PKHD1: variants seen among roughly 807,000 people sequenced by gnomAD.
PKHD1 encodes fibrocystin.
A neutral mutation model predicts 412.0 loss-of-function variants in PKHD1; 291 were observed. The observed-to-expected ratio is 0.71, with a 90% CI of 0.64 to 0.78. PKHD1 has a LOEUF of 0.78. Among genes scored for constraint, PKHD1 ranks in the 30% least tolerant of loss-of-function variants. PKHD1 has a pLI of 0.00. For missense variants in PKHD1, 4,825 were observed against 4,950.7 expected (o/e 0.97, Z 0.76); for synonymous variants, 1,777 against 1,821.5 (o/e 0.98, Z 0.62).
rs66966800 is a variant in PKHD1, at chr6:51,903,832, C to CATATATATATATAT, written c.6866-119_6866-106dup. 2.8e-3 allele frequency: 1,221 copies of CATATATATATATAT among 435,186 alleles called. 42 individuals carry two copies. The African/African-American group carries it at 0.028, about 10-fold the overall frequency. 27.0% of individuals were successfully genotyped at this position (435,186 alleles called of 1,614,324 possible). On this transcript the variant is annotated intron_variant, in intron 42 of 66. Coordinates refer to ENST00000371117, the MANE Select transcript of PKHD1 (RefSeq NM_138694.4). ...ACATCAGAGTTCACATAATGCATTT[C>CATATATATATATAT]ATATATATATATATATATATATATA...
At chr6:51,920,742 C>G (rs1308659234) in intron 37 of PKHD1, among the ~76,000 whole-genome samples, 1 of 152,138 alleles carries the variant, frequency 6.6e-6, no homozygotes, top group South Asian at 2.1e-4. Flanking sequence ...GCTGTGAATC[C>G]GTCTGGTCCT....
intron 35 of PKHD1, among the ~76,000 whole-genome samples, chr6:52,005,076 C>G (rs1256957526): frequency 1.3e-5 from 2 of 152,140 alleles, no homozygotes; most frequent in African/African-American, 4.8e-5. Context: ...AAACTGAGAG[C>G]ACAGAGAAAT....
chr6:51,858,508 T>C (rs1773659907), intron 48 of PKHD1, among the ~76,000 whole-genome samples: 1 of 152,172 alleles, frequency 6.6e-6, no homozygotes, highest in Non-Finnish European at 1.5e-5. Context: ...TAAAACACAC[T>C]AGAAATATCT....
At chr6:51,936,574 A>G (rs1787516614) in intron 36 of PKHD1, among the ~76,000 whole-genome samples, 1 of 152,228 alleles carries the variant, frequency 6.6e-6, no homozygotes, top group Non-Finnish European at 1.5e-5. Flanking sequence ...GACTTTAGTC[A>G]TTATCATGTA....
chr6:51,718,196 A>G (rs75335980), intron 60 of PKHD1, among the ~76,000 whole-genome samples: 1,533 of 152,310 alleles, frequency 0.01, 24 homozygotes, highest in African/African-American at 0.035. Context: ...TAGACATTGC[A>G]GGGGAAAAAG....
intron 51 of PKHD1, 113 bp downstream of exon 51, chr6:51,836,291 C>T: frequency 5.2e-6 from 4 of 773,022 alleles, no homozygotes; most frequent in South Asian, 4.2e-5. Context: ...GACATATAAG[C>T]TTTAGGACTG....
chr6:51,700,653 T>C (rs960605370), intron 60 of PKHD1, among the ~76,000 whole-genome samples: 5 of 152,100 alleles, frequency 3.3e-5, no homozygotes, highest in Non-Finnish European at 7.4e-5. Flanking sequence ...GATTAATATC[T>C]AACTTGTGAT....
At chr6:51,855,400 AT>A (rs1361851978) in intron 49 of PKHD1, among the ~76,000 whole-genome samples, 2 of 152,054 alleles carry the variant, frequency 1.3e-5, no homozygotes, top group Non-Finnish European at 2.9e-5. Context: ...CACTGCTCTT[AT>A]TTGTCTCCCT....
intron 60 of PKHD1, among the ~76,000 whole-genome samples, chr6:51,701,959 T>C (rs1779454372): frequency 6.6e-6 from 1 of 151,232 alleles, no homozygotes. Context: ...ATATTAATCA[T>C]ATCTCAAACA....
intron 27 of PKHD1, among the ~76,000 whole-genome samples, chr6:52,036,117 G>T (rs966052683): frequency 1.3e-5 from 2 of 152,172 alleles, no homozygotes; most frequent in Non-Finnish European, 2.9e-5. Context: ...AGGAACAGTG[G>T]CTGAGAGTCA....
chr6:51,965,092 T>A (rs927184), intron 35 of PKHD1, among the ~76,000 whole-genome samples: 97,166 of 151,994 alleles, frequency 0.64, 31,219 homozygotes, highest in Admixed American at 0.7. Flanking sequence ...CATTAAACCT[T>A]TTGGCCAATT....
rs761950483 is a variant in PKHD1, at chr6:51,649,106, T to C, written c.11289A>G (p.Gln3763=). The change falls in exon 62 of 67, where the codon CAA becomes CAG. Residue 3763 remains glutamine, a synonymous_variant. Transcript: ENST00000371117. ...TTACCTGCTCATCCAAAAATACCAATTGTGGCTGCACTGGAAGCTCATTTC... is the reference window on the plus strand; with the variant it reads ...TTACCTGCTCATCCAAAAATACCAACTGTGGCTGCACTGGAAGCTCATTTC... ...EVGNELPVQP[Q]LVFLDEQNRR... 5 of 1,613,670 alleles carry C rather than the reference T, an allele frequency of 3.1e-6. No homozygotes were observed. The highest frequency in any genetic ancestry group is 2.2e-5 in the East Asian group (1 of 44,874).
intron 36 of PKHD1, among the ~76,000 whole-genome samples, chr6:51,943,122 C>T (rs1788839658): frequency 6.6e-6 from 1 of 151,540 alleles, no homozygotes; most frequent in South Asian, 2.1e-4. Context: ...TTATAATGGA[C>T]TGGCCTTTAT....
chr6:51,753,072 A>C lies in PKHD1; in HGVS notation c.8950+129T>G, dbSNP rs1379883101. ...AGGACTGAAAATTCATAGCTTCTCC[A>C]AGCACAAAGGAACTATCTCATTTGA... On this transcript the variant is annotated intron_variant, in intron 57 of 66. Transcript: ENST00000371117. The C allele has an allele frequency of 6.2e-6, 5 of 804,718 alleles. No individual in the cohort carries two copies. In the Admixed American group the frequency reaches 7.1e-5, roughly 11 times the overall value. 49.8% of individuals were successfully genotyped at this position (804,718 alleles called of 1,614,324 possible). A position where few individuals can be genotyped will look rare whatever the true frequency, so the allele number is the denominator to read the frequency against.
At chr6:51,690,107 A>T (rs1777955737) in intron 60 of PKHD1, among the ~76,000 whole-genome samples, 1 of 151,908 alleles carries the variant, frequency 6.6e-6, no homozygotes, top group Non-Finnish European at 1.5e-5. Context: ...CCCCGTCTCT[A>T]CTAAAAATAC....
chr6:51,801,436 T>C (rs1485266026), intron 52 of PKHD1, among the ~76,000 whole-genome samples: 2 of 152,136 alleles, frequency 1.3e-5, no homozygotes, highest in Non-Finnish European at 2.9e-5. Context: ...CTAAACTCTT[T>C]TCAAAGAAGT....
At chr6:51,788,851 CTATGAGT>C (rs1793293313) in intron 53 of PKHD1, among the ~76,000 whole-genome samples, 1 of 152,186 alleles carries the variant, frequency 6.6e-6, no homozygotes, top group African/African-American at 2.4e-5. Context: ...CAAGCACTTC[CTATGAGT>C]TATGTTTAAT....
chr6:52,056,186 G>A (rs1159747752), intron 18 of PKHD1, among the ~76,000 whole-genome samples: 2 of 152,128 alleles, frequency 1.3e-5, no homozygotes, highest in East Asian at 3.8e-4. Context: ...CATTTTCTCT[G>A]TGTAGCAGGA....
At chr6:52,056,596 C>A in intron 18 of PKHD1, 102 bp downstream of exon 18, 1 of 923,560 alleles carries the variant, frequency 1.1e-6, no homozygotes, top group Non-Finnish European at 1.8e-6. Flanking sequence ...TTTTTTTTTA[C>A]TCTGTTATCA....
Sources: allele counts gnomAD v4.1 joint callset (sites outside exome capture counted in the v4.1 genomes callset), GRCh38; gene constraint gnomAD v4.1.1; transcripts MANE v1.5; gene names NCBI Gene and HGNC (gene_info 2026-07-23, HGNC 2026-07-21).